Variants in XPO6 observed in about 807,000 individuals in gnomAD.
XPO6 encodes exportin-6.
A neutral mutation model predicts 130.0 loss-of-function variants in XPO6; 3 were observed. That is an observed-to-expected ratio of 0.02 (90% CI 0.01 to 0.06). The LOEUF is 0.06. Ranked by LOEUF, XPO6 falls within the 10% of genes least tolerant of loss-of-function variation. The pLI is 1.00. For missense variants in XPO6, 970 were observed against 1,393.0 expected (o/e 0.70, Z 4.83); for synonymous variants, 524 against 548.9 (o/e 0.95, Z 0.63).
At chr16:28,134,049 T>C (rs1253551610) in intron 10 of XPO6, 116 bp from the exon 11 acceptor site, 1 of 997,976 alleles carries the variant, frequency 1.0e-6, no homozygotes, top group East Asian at 2.6e-5. Flanking sequence ...TGGAACCAGG[T>C]TATCTGGTAC....
chr16:28,135,145 T>C, intron 10 of XPO6, 71 bp downstream of exon 10: 1 of 1,292,730 alleles, frequency 7.7e-7, no homozygotes, highest in Non-Finnish European at 1.1e-6. Context: ...GGGCTCTGGG[T>C]TCCAGGTCCC....
At position 28,153,110 on chromosome 16, in the gene XPO6, A is replaced by T. The variant is rs2043122747; in HGVS notation, c.1098-325T>A. 7 of 1,037,140 alleles carry T rather than the reference A, an allele frequency of 6.7e-6. No individual in the cohort carries two copies. In the South Asian group the frequency reaches 2.4e-4, roughly 35 times the overall value. 64.2% of individuals were successfully genotyped at this position (1,037,140 alleles called of 1,614,324 possible). ...ATGATAAAAAGTTGATGGGCAGATCACTGTGTCATTTCAATCTGGCAAGTC... is the reference window on the plus strand; with the variant it reads ...ATGATAAAAAGTTGATGGGCAGATCTCTGTGTCATTTCAATCTGGCAAGTC... On this transcript the variant is annotated intron_variant, in intron 7 of 23. Transcript: ENST00000304658.
intron 6 of XPO6, among the ~76,000 whole-genome samples, chr16:28,157,198 T>G (rs938420458): frequency 5.9e-5 from 9 of 152,244 alleles, no homozygotes; most frequent in Admixed American, 5.9e-4. Flanking sequence ...GGCTCATGCC[T>G]GTAATCACAG....
At chr16:28,174,181 C>A (rs1219896553) in intron 4 of XPO6, among the ~76,000 whole-genome samples, 6 of 152,148 alleles carry the variant, frequency 3.9e-5, no homozygotes, top group Non-Finnish European at 5.9e-5. Flanking sequence ...CCAGTCCAGG[C>A]CTACTGGCCT....
intron 1 of XPO6, among the ~76,000 whole-genome samples, chr16:28,211,102 G>A (rs147813857): frequency 1.3e-5 from 2 of 152,306 alleles, no homozygotes; most frequent in African/African-American, 2.4e-5. Context: ...GTTATTATCC[G>A]GAGGAGCTGC....
chr16:28,114,483 C>T (rs144717376), intron 15 of XPO6, among the ~76,000 whole-genome samples: 1 of 152,320 alleles, frequency 6.6e-6, no homozygotes, highest in East Asian at 1.9e-4. Flanking sequence ...GTTTTGTTTA[C>T]ACTATAGTCT....
In XPO6 at chr16:28,132,821, T is replaced by C. The variant is rs245739; in HGVS notation, c.1537-418A>G. ...TGAGAGAAATGTCAGCTATGCCTTA[T>C]TAAGCACATGGTAAAGTGATAAGAT... is the stretch of plus-strand genomic sequence containing the variant. On this transcript the variant is annotated intron_variant, in intron 11 of 23. Transcript: ENST00000304658. This position sits in a 1 kb window ranked among gnomAD's most constrained non-coding sequence, Gnocchi z 4.0. Among the ~76,000 whole-genome samples the C allele has an allele frequency of 0.035, 5,387 of 152,242 alleles. 342 individuals carry two copies. The highest frequency in any genetic ancestry group is 0.17 in the East Asian group (885 of 5,164).
chr16:28,152,319 G>C (rs2043108839), intron 8 of XPO6, among the ~76,000 whole-genome samples: 1 of 152,130 alleles, frequency 6.6e-6, no homozygotes, highest in African/African-American at 2.4e-5. Flanking sequence ...CAGAACTAAA[G>C]GCCGTAATTT....
chr16:28,107,681 CA>C lies in XPO6; in HGVS notation c.2342-5del. Reference sequence around the variant, plus strand: ...GTCTGGTGGATAATCAGTTTGGCTGCAAATCAAGATGAGTTGCAGGTTATAA... The same window carrying C: ...GTCTGGTGGATAATCAGTTTGGCTGCAATCAAGATGAGTTGCAGGTTATAA... On this transcript the variant is annotated splice_region_variant and splice_polypyrimidine_tract_variant and intron_variant, in intron 17 of 23. Coordinates refer to ENST00000304658, the MANE Select transcript of XPO6 (RefSeq NM_015171.4). 1 of 1,613,346 alleles carries C rather than the reference CA, an allele frequency of 6.2e-7. No homozygotes were observed. The highest frequency in any genetic ancestry group is 8.5e-7 in the Non-Finnish European group (1 of 1,179,780).
chr16:28,150,692 A>G (rs1022379415), intron 8 of XPO6, among the ~76,000 whole-genome samples: 2 of 152,072 alleles, frequency 1.3e-5, no homozygotes, highest in African/African-American at 4.8e-5. Flanking sequence ...TTGTCATTCC[A>G]TCTCCCCCAA....
intron 6 of XPO6, among the ~76,000 whole-genome samples, chr16:28,157,754 T>C (rs1192288753): frequency 1.3e-5 from 2 of 152,232 alleles, no homozygotes; most frequent in Admixed American, 6.5e-5. Context: ...TGAAAAAATG[T>C]TGGCAAATGC....
chr16:28,188,881 G>A (rs977909503), intron 1 of XPO6, among the ~76,000 whole-genome samples: 1 of 152,026 alleles, frequency 6.6e-6, no homozygotes, highest in Non-Finnish European at 1.5e-5. Context: ...TCAGGAGAAC[G>A]ACATTCAGAA....
chr16:28,113,157 C>T (rs2086971598), intron 15 of XPO6, 107 bp from the exon 16 acceptor site: 3 of 1,402,828 alleles, frequency 2.1e-6, no homozygotes, highest in East Asian at 2.5e-5. Context: ...TTCCAAATTA[C>T]ACCACCTAGG....
At chr16:28,168,928 ATCAATGGTTCTT>A (rs2043405505) in intron 5 of XPO6, among the ~76,000 whole-genome samples, 1 of 152,102 alleles carries the variant, frequency 6.6e-6, no homozygotes, top group South Asian at 2.1e-4. Flanking sequence ...TTTACTTTAA[ATCAATGGTTCTT>A]TCAGCCAACT....
intron 4 of XPO6, among the ~76,000 whole-genome samples, chr16:28,174,927 T>G (rs1327398333): frequency 6.6e-6 from 1 of 152,204 alleles, no homozygotes; most frequent in Non-Finnish European, 1.5e-5. Flanking sequence ...CTCGTAGCTT[T>G]TAGGTCCCAG....
At chr16:28,114,255 A>G (rs1451190272) in intron 15 of XPO6, among the ~76,000 whole-genome samples, 1 of 151,908 alleles carries the variant, frequency 6.6e-6, no homozygotes, top group Non-Finnish European at 1.5e-5. Context: ...TGCTGTACAT[A>G]TGTAAAGGAA....
rs1228227753 is a variant in XPO6, at chr16:28,112,877, G to A, written c.2151+27C>T. On this transcript the variant is annotated intron_variant, in intron 16 of 23. Transcript: ENST00000304658. ...TGGGTCTCAGTCACACAGCCCTGGG[G>A]ACCCCGGGGGAGCTCTGGGGCCTCA... The A allele has an allele frequency of 1.9e-6, 3 of 1,605,272 alleles. No homozygotes were observed. The South Asian group carries it at 3.3e-5, about 18-fold the overall frequency.
At chr16:28,185,614 T>G (rs545573794) in intron 1 of XPO6, among the ~76,000 whole-genome samples, 1 of 152,214 alleles carries the variant, frequency 6.6e-6, no homozygotes, top group African/African-American at 2.4e-5. Flanking sequence ...CTTTAGAAAC[T>G]GTATTTTAGC....
chr16:28,198,262 GTAAA>G (rs2043899474), intron 1 of XPO6, among the ~76,000 whole-genome samples: 1 of 151,616 alleles, frequency 6.6e-6, no homozygotes, highest in East Asian at 1.9e-4. Context: ...TATTGAAAAA[GTAAA>G]TAGGAAAAAA....
Sources: allele counts gnomAD v4.1 joint callset (sites outside exome capture counted in the v4.1 genomes callset), GRCh38; gene constraint gnomAD v4.1.1; non-coding constraint Gnocchi (gnomAD v3.1); transcripts MANE v1.5; gene names NCBI Gene and HGNC (gene_info 2026-07-23, HGNC 2026-07-21).